The following FCRL3 variants were observed in gnomAD, a reference collection of about 807,000 sequenced individuals.
FCRL3 encodes Fc receptor like 3.
In FCRL3, 89 loss-of-function variants were observed where a neutral mutation model predicts 75.0. The observed-to-expected ratio is 1.19, with a 90% CI of 1.00 to 1.42. The LOEUF (loss-of-function observed/expected upper bound fraction) is 1.42. Among genes scored for constraint, FCRL3 ranks in the 40% most tolerant of loss-of-function variants. The pLI, the probability that FCRL3 is intolerant of heterozygous loss-of-function variation, is 0.00. For synonymous variants in FCRL3, 376 were observed against 348.5 expected, an observed-to-expected ratio of 1.08 and a Z score of -0.88; for missense variants, 946 against 880.0, an observed-to-expected ratio of 1.07 and a Z score of -0.95.
intron 11 of FCRL3, among the ~76,000 whole-genome samples, chr1:157,682,165 T>G (rs1011470816): frequency 6.6e-6 from 1 of 152,234 alleles, no homozygotes; most frequent in Non-Finnish European, 1.5e-5. Context: ...ATGAGTAGGT[T>G]GCGAAAATTT....
At chr1:157,698,028 C>A (rs956688201) in intron 4 of FCRL3, 109 bp from the exon 5 acceptor site, 2 of 1,276,962 alleles carry the variant, frequency 1.6e-6, no homozygotes, top group African/African-American at 3.0e-5. Flanking sequence ...CTGCAAATGG[C>A]CCCCACCCAC....
rs756650560 is a variant in FCRL3 at position 157,678,944 on chromosome 1, C to A, written c.2056G>T (p.Glu686Ter). Reference sequence around the variant, plus strand: ...GAAAGCCAAGAAATGTGACTCACCTCATGCTCTTGATGCATCATTGGACAA... The same window carrying A: ...GAAAGCCAAGAAATGTGACTCACCTAATGCTCTTGATGCATCATTGGACAA... ...ANCPMMHQEH[E>*]ELTVLYSELK... The change falls in exon 14 of 15, where the codon GAG becomes TAG. Residue 686 changes from glutamate to a stop codon, truncating the protein, a stop_gained and splice_region_variant. Transcript: ENST00000368184. LOFTEE classifies it low-confidence loss of function (END_TRUNC). 5 of 1,614,022 alleles carry A rather than the reference C, an allele frequency of 3.1e-6. No individual in the cohort carries two copies. In the South Asian group the frequency reaches 4.4e-5, roughly 14 times the overall value.
Position 157,676,655 on chromosome 1 carries a change from A to C in FCRL3, c.*2055T>G. The C allele has an allele frequency of 6.9e-7, 1 of 1,456,658 alleles. No homozygotes were observed. The highest frequency in any genetic ancestry group is 9.4e-7 in the Non-Finnish European group (1 of 1,062,818). 90.2% of individuals were successfully genotyped at this position (1,456,658 alleles called of 1,614,324 possible). ...AGAATTTGCACATTTGTTATATCCGAGATGTACAGTTAGGACTCACCCCTT... is the reference window on the plus strand; with the variant it reads ...AGAATTTGCACATTTGTTATATCCGCGATGTACAGTTAGGACTCACCCCTT... On this transcript the variant is annotated 3_prime_UTR_variant, in exon 15 of 15. Transcript: ENST00000368184.
intron 11 of FCRL3, among the ~76,000 whole-genome samples, 160 bp from the exon 12 acceptor site, chr1:157,681,259 T>C (rs1016771281): frequency 6.6e-6 from 1 of 151,810 alleles, no homozygotes; most frequent in African/African-American, 2.4e-5. Context: ...ATTATTATTA[T>C]ACTTTAAGTT....
Position 157,678,936 on chromosome 1 carries a change from A to G in FCRL3, c.2058+6T>C, listed in dbSNP as rs6683713. 9.9e-5 allele frequency: 159 copies of G among 1,614,094 alleles called. No homozygotes were observed. In the African/African-American group the frequency reaches 1.9e-3, roughly 19 times the overall value. On this transcript the variant is annotated splice_donor_region_variant and intron_variant, in intron 14 of 14. Coordinates refer to ENST00000368184, the MANE Select transcript of FCRL3 (RefSeq NM_052939.4). ...AGAGGAAAGAAAGCCAAGAAATGTGACTCACCTCATGCTCTTGATGCATCA... is the reference window on the plus strand; with the variant it reads ...AGAGGAAAGAAAGCCAAGAAATGTGGCTCACCTCATGCTCTTGATGCATCA...
intron 11 of FCRL3, among the ~76,000 whole-genome samples, chr1:157,682,226 G>C (rs1362852102): frequency 6.6e-6 from 1 of 152,102 alleles, no homozygotes; most frequent in Non-Finnish European, 1.5e-5. Context: ...TTCTTTTGCT[G>C]TGCAGAAGCT....
At position 157,677,800 on chromosome 1, in the gene FCRL3, A is replaced by C; in HGVS notation, c.*910T>G. The stretch of plus-strand genomic sequence containing the variant: ...CTAATATAAAAACATATTTAAGGAA[A>C]ACATGTAGATACATTAATATGATAG... On this transcript the variant is annotated 3_prime_UTR_variant, in exon 15 of 15. Transcript: ENST00000368184. 1 of 491,308 alleles carries C rather than the reference A, an allele frequency of 2.0e-6. No homozygotes were observed. Among genetic ancestry groups the C allele is most frequent in the Non-Finnish European group, 2.6e-6 (1 of 378,906 alleles). The allele number at this position is 491,308 out of a possible 1,614,324, so 30.4% of individuals were successfully genotyped here. A position where few individuals can be genotyped will look rare whatever the true frequency, so the allele number is the denominator to read the frequency against.
At chr1:157,681,134 A>T in intron 11 of FCRL3, 35 bp from the exon 12 acceptor site, 2 of 1,389,490 alleles carry the variant, frequency 1.4e-6, no homozygotes, top group Non-Finnish European at 1.9e-6. Context: ...ATTAAAAAGT[A>T]TCTGTGGGTT....
At chr1:157,699,887 T>C (rs1055061515) in intron 2 of FCRL3, among the ~76,000 whole-genome samples, 175 bp from the exon 3 acceptor site, 5 of 152,198 alleles carry the variant, frequency 3.3e-5, no homozygotes, top group African/African-American at 1.2e-4. Context: ...CGTGATGGCT[T>C]ATGTCCAAGG....
rs1437488311 is a variant in FCRL3, at chr1:157,696,083, A to G, written c.1089T>C (p.Val363=). The G allele has an allele frequency of 6.2e-7, 1 of 1,613,078 alleles. No homozygotes were observed. Among genetic ancestry groups the G allele is most frequent in the Admixed American group, 1.7e-5 (1 of 59,988 alleles). The change falls in exon 7 of 15, where the codon GTT becomes GTC. Residue 363 remains valine, a synonymous_variant. Transcript: ENST00000368184. The part of the protein sequence containing the change: ...AGRYYCAADN[V]HSPILSTWIR... ...TCCACGTGCTGAGGATGGGGCTGTG[A>G]ACGTTATCAGCTGCACAGTAGTATC... is the stretch of plus-strand genomic sequence containing the variant.
chr1:157,690,491 GC>G lies in FCRL3; in HGVS notation c.1453del (p.Ala485ProfsTer16), dbSNP rs754435989. The G allele has an allele frequency of 1.9e-6, 3 of 1,614,246 alleles. No homozygotes were observed. The highest frequency in any genetic ancestry group is 1.7e-5 in the Admixed American group (1 of 60,030). On this transcript the variant is annotated frameshift_variant, in exon 9 of 15. Transcript: ENST00000368184. LOFTEE classifies it high-confidence loss of function. ...RPVLTLRAPG[A>X]QAVVGDLLEL... ...CAGCAGGTCCCCCACCACAGCCTGGGCCCCGGGAGCCCTGAGGGTGAGGACG... is the reference window on the plus strand; with the variant it reads ...CAGCAGGTCCCCCACCACAGCCTGGGCCCGGGAGCCCTGAGGGTGAGGACG...
intron 8 of FCRL3, among the ~76,000 whole-genome samples, chr1:157,691,022 T>TGTAC (rs1356488075): frequency 3.4e-4 from 52 of 151,536 alleles, no homozygotes; most frequent in Admixed American, 9.2e-4. Context: ...TATGTATGTA[T>TGTAC]GTATGTATGT....
chr1:157,699,651 A>G lies in FCRL3; in HGVS notation c.52+41T>C. 3 of 1,612,450 alleles carry G rather than the reference A, an allele frequency of 1.9e-6. No individual in the cohort carries two copies. The South Asian group carries it at 3.3e-5, about 18-fold the overall frequency. On this transcript the variant is annotated intron_variant, in intron 3 of 14. Transcript: ENST00000368184. Reference sequence around the variant, plus strand: ...CAGGCTGTGTGGGCTGAGGGGACCAATATCCAGAGACCAGAGGGGCAGAGA... The same window carrying G: ...CAGGCTGTGTGGGCTGAGGGGACCAGTATCCAGAGACCAGAGGGGCAGAGA...
In FCRL3 at chr1:157,695,590, C is replaced by T; in HGVS notation, c.1150G>A (p.Val384Ile). Residue 384 changes from valine (V) to isoleucine (I), a missense_variant, in exon 8 of 15, where the codon GTC becomes ATC. Val to Ile is a conservative substitution (Grantham distance 29, BLOSUM62 3). Transcript: ENST00000368184. ...GCCCTGGGAGCCCTGAAGGTGAGGA[C>T]AGGGTGAGATACCGGAACTGAAGGA... ...VTVRIPVSHP[V>I]LTFRAPRAHT... is the part of the protein sequence containing the mutation. The T allele has an allele frequency of 1.2e-6, 2 of 1,610,546 alleles. No homozygotes were observed. Among genetic ancestry groups the T allele is most frequent in the East Asian group, 2.2e-5 (1 of 44,860 alleles).
At chr1:157,688,502 C>T (rs1655313775) in intron 10 of FCRL3, among the ~76,000 whole-genome samples, 1 of 151,802 alleles carries the variant, frequency 6.6e-6, no homozygotes, top group South Asian at 2.1e-4. Context: ...TTTAATTCCC[C>T]TATCTCAGTA....
chr1:157,697,289 C>T lies in FCRL3; in HGVS notation c.695G>A (p.Ser232Asn), dbSNP rs1462010388. The T allele has an allele frequency of 6.2e-7, 1 of 1,612,678 alleles. No individual in the cohort carries two copies. Among genetic ancestry groups the T allele is most frequent in the Non-Finnish European group, 8.5e-7 (1 of 1,179,144 alleles). ...GCTCCAGCCCAATCCGAGGGTCTGG[C>T]TATCTCTGAAGAGGGAGAATTGCAG... The part of the protein sequence containing the change: ...VQLQFSLFRD[S>N]QTLGLGWSRS... Residue 232 changes from serine to asparagine, a missense_variant, in exon 6 of 15, where the codon AGC becomes AAC. Coordinates refer to ENST00000368184, the MANE Select transcript of FCRL3 (RefSeq NM_052939.4).
intron 13 of FCRL3, among the ~76,000 whole-genome samples, chr1:157,679,830 CAA>C (rs1166825112): frequency 1.0e-4 from 5 of 49,904 alleles, no homozygotes; most frequent in Admixed American, 3.6e-4. Flanking sequence ...CCCCATCTCA[CAA>C]AAAAAAAAAA....
intron 12 of FCRL3, 85 bp downstream of exon 12, chr1:157,680,896 T>C: frequency 6.9e-7 from 1 of 1,449,020 alleles, no homozygotes. Flanking sequence ...TTTTTAAATT[T>C]GTGACAGGGC....
chr1:157,686,478 CA>C (rs1218241043), intron 10 of FCRL3, among the ~76,000 whole-genome samples: 9 of 151,976 alleles, frequency 5.9e-5, no homozygotes, highest in African/African-American at 1.9e-4. Flanking sequence ...CCCAAATAGC[CA>C]AAGCATTCCT....
Sources: allele counts gnomAD v4.1 joint callset (sites outside exome capture counted in the v4.1 genomes callset), GRCh38; gene constraint gnomAD v4.1.1; transcripts MANE v1.5; gene names NCBI Gene and HGNC (gene_info 2026-07-23, HGNC 2026-07-21).